The following ITGB3BP variants were observed in gnomAD, a reference collection of about 807,000 sequenced individuals.
ITGB3BP encodes the protein centromere protein R.
In ITGB3BP, 27 loss-of-function variants were observed where a neutral mutation model predicts 29.1. That is an observed-to-expected ratio of 0.93 (90% confidence interval 0.68 to 1.28). The LOEUF (loss-of-function observed/expected upper bound fraction) is 1.28, where lower values mean the gene tolerates loss of function less well. Ranked by LOEUF, ITGB3BP falls within the 50% of genes most tolerant of loss-of-function variation. The pLI, the probability that ITGB3BP is intolerant of heterozygous loss-of-function variation, is 0.00. For missense variants in ITGB3BP, 192 were observed against 200.2 expected (o/e 0.96, Z 0.25); for synonymous variants, 61 against 61.4 (o/e 0.99, Z 0.03).
chr1:63,505,828 G>GT (rs905101578), intron 2 of ITGB3BP, among the ~76,000 whole-genome samples: 33 of 152,268 alleles, frequency 2.2e-4, no homozygotes, highest in African/African-American at 7.7e-4. Context: ...GCGGTTTTGA[G>GT]TGAGTTTCTT....
In ITGB3BP at chr1:63,499,162, T is replaced by G. The variant is rs1173029167; in HGVS notation, c.49-8944A>C. Among the ~76,000 whole-genome samples the G allele has an allele frequency of 4.0e-5, 6 of 150,888 alleles. No homozygotes were observed. In the East Asian group the frequency reaches 9.7e-4, roughly 24 times the overall value. On this transcript the variant is annotated intron_variant, in intron 2 of 8. Coordinates refer to ENST00000271002, the MANE Select transcript of ITGB3BP (RefSeq NM_014288.5). ...ACAAGTGAATTCCACTAGCGTTTTT[T>G]TTTTTTTTTTTTTCTTGAGATGTAG...
chr1:63,503,727 G>A (rs954144430), intron 2 of ITGB3BP, among the ~76,000 whole-genome samples: 132 of 151,972 alleles, frequency 8.7e-4, no homozygotes, highest in African/African-American at 2.1e-3. Flanking sequence ...AGCTTTCTAC[G>A]TATGGCTAGC....
At chr1:63,520,134 T>A (rs1646415953) in intron 1 of ITGB3BP, among the ~76,000 whole-genome samples, 1 of 152,162 alleles carries the variant, frequency 6.6e-6, no homozygotes, top group East Asian at 1.9e-4. Flanking sequence ...AGAATGGGAT[T>A]TGATTACTTA....
chr1:63,493,086 A>ACG (rs772254640), intron 2 of ITGB3BP, among the ~76,000 whole-genome samples: 2 of 134,490 alleles, frequency 1.5e-5, no homozygotes, highest in Non-Finnish European at 3.2e-5. Context: ...ACACACACAC[A>ACG]CACGCGCGCG....
At chr1:63,510,060 C>A (rs769768163) in intron 1 of ITGB3BP, 7 of 596,250 alleles carry the variant, frequency 1.2e-5, no homozygotes, top group African/African-American at 9.4e-5. Context: ...CGTGGTGGTG[C>A]GTGCCTGTAA....
intron 2 of ITGB3BP, among the ~76,000 whole-genome samples, 169 bp downstream of exon 2, chr1:63,508,359 A>G (rs935035510): frequency 6.6e-6 from 1 of 152,270 alleles, no homozygotes; most frequent in Non-Finnish European, 1.5e-5. Context: ...TTAGATTCAC[A>G]AAAACTAAAA....
intron 3 of ITGB3BP, among the ~76,000 whole-genome samples, chr1:63,487,647 T>C (rs1557635386): frequency 6.6e-6 from 1 of 152,140 alleles, no homozygotes; most frequent in Non-Finnish European, 1.5e-5. Flanking sequence ...TGTAAGTATT[T>C]GTTTATCTAA....
chr1:63,526,110 G>A (rs1646585000), upstream of ITGB3BP, among the ~76,000 whole-genome samples: 1 of 152,156 alleles, frequency 6.6e-6, no homozygotes, highest in African/African-American at 2.4e-5. Flanking sequence ...CCATACTGAG[G>A]AAAGTGTAAA....
At chr1:63,504,793 GTTTATATGC>G (rs1646032408) in intron 2 of ITGB3BP, among the ~76,000 whole-genome samples, 1 of 152,152 alleles carries the variant, frequency 6.6e-6, no homozygotes, top group Admixed American at 6.5e-5. Context: ...CGTTGGTTCT[GTTTATATGC>G]TGGATTACAT....
intron 4 of ITGB3BP, among the ~76,000 whole-genome samples, chr1:63,471,000 T>G (rs1645186068): frequency 2.0e-5 from 3 of 152,160 alleles, no homozygotes; most frequent in Admixed American, 1.3e-4. Flanking sequence ...TAATTTGCAT[T>G]TTCCCAGATG....
At chr1:63,452,560 A>T (rs934999397) in intron 7 of ITGB3BP, among the ~76,000 whole-genome samples, 3 of 152,236 alleles carry the variant, frequency 2.0e-5, no homozygotes, top group Admixed American at 6.5e-5. Context: ...CCACTTCACT[A>T]ATCATCACTT....
At chr1:63,494,100 G>A (rs1645728459) in intron 2 of ITGB3BP, among the ~76,000 whole-genome samples, 1 of 151,958 alleles carries the variant, frequency 6.6e-6, no homozygotes, top group African/African-American at 2.4e-5. Flanking sequence ...TTCACAATTT[G>A]GGCCTAAGGT....
intron 7 of ITGB3BP, among the ~76,000 whole-genome samples, chr1:63,450,943 G>C (rs1644852117): frequency 6.6e-6 from 1 of 151,762 alleles, no homozygotes; most frequent in South Asian, 2.1e-4. Flanking sequence ...TCTTGAATAA[G>C]TTATATAAAG....
chr1:63,477,515 T>C (rs1376255729), intron 4 of ITGB3BP, among the ~76,000 whole-genome samples: 1 of 152,122 alleles, frequency 6.6e-6, no homozygotes, highest in East Asian at 1.9e-4. Context: ...GCCCAGGGGT[T>C]CAATACTAGC....
At chr1:63,507,176 C>T (rs1025092577) in intron 2 of ITGB3BP, among the ~76,000 whole-genome samples, 1 of 152,168 alleles carries the variant, frequency 6.6e-6, no homozygotes, top group African/African-American at 2.4e-5. Flanking sequence ...ATGCTAGGAA[C>T]CTCCTTCGGG....
At chr1:63,504,240 G>A (rs1216181547) in intron 2 of ITGB3BP, among the ~76,000 whole-genome samples, 2 of 151,902 alleles carry the variant, frequency 1.3e-5, no homozygotes, top group Non-Finnish European at 2.9e-5. Flanking sequence ...TCCCTTGTAA[G>A]TTGGATTCCT....
chr1:63,466,234 C>T (rs943998181), intron 4 of ITGB3BP, among the ~76,000 whole-genome samples: 5 of 151,924 alleles, frequency 3.3e-5, no homozygotes, highest in Non-Finnish European at 5.9e-5. Context: ...TACCCAGATA[C>T]GTTTCATTCC....
intron 4 of ITGB3BP, among the ~76,000 whole-genome samples, chr1:63,461,253 C>CAA (rs35374545): frequency 0.013 from 761 of 56,812 alleles, 41 homozygotes; most frequent in African/African-American, 0.047. Context: ...GACTCCATCT[C>CAA]AAAAAAAAAA....
upstream of ITGB3BP, chr1:63,523,327 G>T: frequency 1.4e-6 from 1 of 689,758 alleles, no homozygotes; most frequent in Non-Finnish European, 2.5e-6. Flanking sequence ...GGAGCGAGCG[G>T]GGAGTTCTAG....
Sources: gnomAD v4.1 joint callset for allele counts (sites outside exome capture counted in the v4.1 genomes callset) on GRCh38, gnomAD v4.1.1 for gene constraint, MANE v1.5 for transcripts, NCBI Gene and HGNC (gene_info 2026-07-23, HGNC 2026-07-21) for gene names.